The following SAMD12 variants were observed in gnomAD, a reference collection of about 807,000 sequenced individuals.
The protein encoded by SAMD12 is sterile alpha motif domain containing 12.
A neutral mutation model predicts 15.0 loss-of-function variants in SAMD12; 9 were observed. The ratio of observed to expected loss-of-function variants is 0.60; its 90% CI spans 0.36 to 1.05. SAMD12 has a LOEUF of 1.05. Ranked by LOEUF, SAMD12 falls within the 50% of genes least tolerant of loss-of-function variation. The pLI, the probability that SAMD12 is intolerant of heterozygous loss-of-function variation, is 0.01. For synonymous variants in SAMD12, 86 were observed against 90.1 expected, an observed-to-expected ratio of 0.96 and a Z score of 0.25; for missense variants, 230 against 234.2, an observed-to-expected ratio of 0.98 and a Z score of 0.12.
chr8:118,424,939 AT>A (rs10570610), intron 3 of SAMD12, among the ~76,000 whole-genome samples: 63,774 of 138,428 alleles, frequency 0.46, 15,340 homozygotes, highest in Non-Finnish European at 0.56. Flanking sequence ...TGGTATATTA[AT>A]TTTTTTTTTT....
At chr8:118,282,363 C>T (rs1463883615) in intron 4 of SAMD12, 3 of 456,106 alleles carry the variant, frequency 6.6e-6, no homozygotes, top group African/African-American at 2.0e-5. Flanking sequence ...TCAATGCTCT[C>T]GTATAGGCTG....
intron 1 of SAMD12, among the ~76,000 whole-genome samples, chr8:118,619,478 C>CAA (rs33947611): frequency 0.19 from 21,373 of 111,898 alleles, 2,455 homozygotes; most frequent in Middle Eastern, 0.3. Flanking sequence ...GACTCTGTCT[C>CAA]AAAAAAAAAA....
chr8:118,610,872 G>T (rs113731623), intron 1 of SAMD12, among the ~76,000 whole-genome samples: 179 of 152,248 alleles, frequency 1.2e-3, no homozygotes, highest in African/African-American at 4.1e-3. Context: ...ATGAAATCCT[G>T]CAGTTCCCTC....
At chr8:118,564,185 C>T (rs1269733474) in intron 2 of SAMD12, among the ~76,000 whole-genome samples, 2 of 151,384 alleles carry the variant, frequency 1.3e-5, no homozygotes, top group Non-Finnish European at 2.9e-5. Flanking sequence ...ATTACCCATC[C>T]CCCCCTCACC....
chr8:118,418,272 T>C (rs1422229459), intron 3 of SAMD12, among the ~76,000 whole-genome samples: 4 of 152,250 alleles, frequency 2.6e-5, no homozygotes, highest in East Asian at 3.8e-4. Context: ...TCTTTTCTAC[T>C]GATGCCTTTT....
chr8:118,449,606 C>T (rs113806697), intron 2 of SAMD12, among the ~76,000 whole-genome samples: 3,616 of 151,122 alleles, frequency 0.024, 124 homozygotes, highest in African/African-American at 0.083. Context: ...GTTCAGGAGA[C>T]TGAGACCACA....
intron 2 of SAMD12, among the ~76,000 whole-genome samples, chr8:118,454,636 C>G (rs1300694773): frequency 6.6e-6 from 1 of 152,112 alleles, no homozygotes; most frequent in East Asian, 1.9e-4. Flanking sequence ...TGGTAAAATA[C>G]ACATAACACA....
At chr8:118,282,219 G>C in intron 4 of SAMD12, 1 of 441,128 alleles carries the variant, frequency 2.3e-6, no homozygotes, top group Non-Finnish European at 4.5e-6. Flanking sequence ...TCTGGGTTTG[G>C]AGCAGCTATA....
At chr8:118,568,683 C>T (rs551183347) in intron 2 of SAMD12, among the ~76,000 whole-genome samples, 1 of 152,234 alleles carries the variant, frequency 6.6e-6, no homozygotes, top group Middle Eastern at 3.4e-3. Context: ...TTCATCATGA[C>T]CATCAGCAAG....
chr8:118,468,385 C>T (rs889372177), intron 2 of SAMD12, among the ~76,000 whole-genome samples: 1 of 152,158 alleles, frequency 6.6e-6, no homozygotes, highest in African/African-American at 2.4e-5. Context: ...AGCATCCTCT[C>T]CAAAAACGCC....
At chr8:118,381,295 C>T (rs753687600) in intron 3 of SAMD12, among the ~76,000 whole-genome samples, 2 of 152,114 alleles carry the variant, frequency 1.3e-5, no homozygotes, top group African/African-American at 4.8e-5. Context: ...ATAACTACAG[C>T]TCAGGCTTGG....
intron 2 of SAMD12, among the ~76,000 whole-genome samples, chr8:118,549,517 A>G (rs2131174799): frequency 6.6e-6 from 1 of 152,336 alleles, no homozygotes; most frequent in Non-Finnish European, 1.5e-5. Flanking sequence ...CATCCACACC[A>G]AAAACCCATC....
At chr8:118,356,009 A>G (rs1356926924) in intron 4 of SAMD12, among the ~76,000 whole-genome samples, 2 of 152,246 alleles carry the variant, frequency 1.3e-5, no homozygotes, top group African/African-American at 2.4e-5. Context: ...AGCCTTATAA[A>G]ATACATTCTT....
chr8:118,492,122 C>CTTTTTTTTT (rs543720456), intron 2 of SAMD12, among the ~76,000 whole-genome samples: 1 of 132,148 alleles, frequency 7.6e-6, no homozygotes, highest in African/African-American at 2.8e-5. Flanking sequence ...CTGGTGTTGC[C>CTTTTTTTTT]TTTTTTTTTT....
intron 4 of SAMD12, among the ~76,000 whole-genome samples, chr8:118,328,030 A>C (rs113699926): frequency 0.013 from 1,965 of 152,338 alleles, 38 homozygotes; most frequent in African/African-American, 0.042. Flanking sequence ...AATGTAACAA[A>C]CAGTTCATAT....
chr8:118,413,810 CAG>C (rs1178297231), intron 3 of SAMD12, among the ~76,000 whole-genome samples: 5 of 151,604 alleles, frequency 3.3e-5, no homozygotes, highest in Non-Finnish European at 7.4e-5. Context: ...GGATCTTAGA[CAG>C]GGGGAGTCAA....
chr8:118,616,488 GGCAGGACAGAGCTTCTTGT>G (rs1425696280), intron 1 of SAMD12, among the ~76,000 whole-genome samples: 4 of 152,210 alleles, frequency 2.6e-5, no homozygotes, highest in Admixed American at 2.6e-4. Context: ...ATCACACAGA[GGCAGGACAGAGCTTCTTGT>G]GTTCTATGAA....
intron 3 of SAMD12, among the ~76,000 whole-genome samples, chr8:118,418,086 G>A (rs1017320919): frequency 7.2e-5 from 11 of 152,010 alleles, no homozygotes; most frequent in African/African-American, 2.4e-4. Flanking sequence ...CGTGCCTACC[G>A]TCTGTGTGGT....
chr8:118,230,811 C>T (rs1294703216), intron 4 of SAMD12, among the ~76,000 whole-genome samples: 3 of 151,944 alleles, frequency 2.0e-5, no homozygotes, highest in Non-Finnish European at 2.9e-5. Flanking sequence ...AGTGAGCGAG[C>T]GGGAGAGTGG....
Sources: gnomAD v4.1 joint callset for allele counts (sites outside exome capture counted in the v4.1 genomes callset) on GRCh38, gnomAD v4.1.1 for gene constraint, MANE v1.5 for transcripts, NCBI Gene and HGNC (gene_info 2026-07-23, HGNC 2026-07-21) for gene names.